ANO3: variants seen among roughly 807,000 people sequenced by gnomAD.
ANO3 encodes the protein anoctamin-3.
ANO3 carries 99 observed loss-of-function variants against 144.8 expected under a neutral mutation model. The observed-to-expected ratio is 0.68, with a 90% CI of 0.58 to 0.81. ANO3 has a LOEUF of 0.81. Among genes scored for constraint, ANO3 ranks in the 30% least tolerant of loss-of-function variants. The pLI, the probability that ANO3 is intolerant of heterozygous loss-of-function variation, is 0.00. For missense variants in ANO3, 905 were observed against 1,202.2 expected (o/e 0.75, Z 3.66); for synonymous variants, 414 against 392.6 (o/e 1.05, Z -0.64).
chr11:26,629,039 G>T (rs2133026456), intron 18 of ANO3, among the ~76,000 whole-genome samples: 1 of 152,204 alleles, frequency 6.6e-6, no homozygotes, highest in South Asian at 2.1e-4. Flanking sequence ...GCAAGTCAGA[G>T]TCAAGGTTGG....
At chr11:26,461,800 T>C (rs2134055607) in intron 3 of ANO3, among the ~76,000 whole-genome samples, 1 of 152,178 alleles carries the variant, frequency 6.6e-6, no homozygotes, top group African/African-American at 2.4e-5. Context: ...TATTATTAAA[T>C]GTAGGAAGAA....
intron 1 of ANO3, among the ~76,000 whole-genome samples, chr11:26,371,035 A>G (rs577974060): frequency 6.6e-6 from 1 of 152,332 alleles, no homozygotes; most frequent in Non-Finnish European, 1.5e-5. Flanking sequence ...CAATGGGGAA[A>G]ATGTCTTCAG....
At chr11:26,580,853 G>A (rs1002909265) in intron 14 of ANO3, among the ~76,000 whole-genome samples, 2 of 152,154 alleles carry the variant, frequency 1.3e-5, no homozygotes, top group African/African-American at 4.8e-5. Context: ...AAAATGGTTA[G>A]TAAATATTAT....
intron 1 of ANO3, among the ~76,000 whole-genome samples, chr11:26,235,518 A>G (rs1852500526): frequency 6.6e-6 from 1 of 151,988 alleles, no homozygotes; most frequent in African/African-American, 2.4e-5. Flanking sequence ...TTACTTATTT[A>G]CTGAATGTGT....
At chr11:26,596,330 T>G (rs1459740891) in intron 14 of ANO3, among the ~76,000 whole-genome samples, 1 of 152,192 alleles carries the variant, frequency 6.6e-6, no homozygotes, top group East Asian at 1.9e-4. Context: ...GACATTCGCT[T>G]GTTGCCCCCA....
intron 1 of ANO3, among the ~76,000 whole-genome samples, chr11:26,192,124 T>C (rs758159608): frequency 1.6e-4 from 25 of 152,214 alleles, no homozygotes; most frequent in Non-Finnish European, 2.9e-4. Context: ...TGTGTGGAAA[T>C]TATCACACAA....
intron 1 of ANO3, among the ~76,000 whole-genome samples, chr11:26,221,902 G>T (rs942705864): frequency 5.9e-5 from 9 of 152,118 alleles, no homozygotes; most frequent in African/African-American, 2.2e-4. Flanking sequence ...CACAAGGCCC[G>T]CCTCCAACAC....
intron 1 of ANO3, among the ~76,000 whole-genome samples, chr11:26,416,589 G>A (rs939116244): frequency 6.6e-6 from 1 of 151,906 alleles, no homozygotes; most frequent in Non-Finnish European, 1.5e-5. Flanking sequence ...ACCATGCCCA[G>A]CTAGTTTTTT....
chr11:26,515,221 G>A (rs1861815877), intron 5 of ANO3, among the ~76,000 whole-genome samples: 1 of 152,088 alleles, frequency 6.6e-6, no homozygotes. Context: ...TGACATGAAA[G>A]CATCTTAAGC....
At chr11:26,590,960 G>C (rs137921940) in intron 14 of ANO3, among the ~76,000 whole-genome samples, 1 of 152,130 alleles carries the variant, frequency 6.6e-6, no homozygotes, top group South Asian at 2.1e-4. Context: ...CTCCCGTCTC[G>C]AATGCCTAGG....
intron 14 of ANO3, among the ~76,000 whole-genome samples, chr11:26,592,544 A>G (rs1315898338): frequency 6.6e-6 from 1 of 150,640 alleles, no homozygotes; most frequent in Non-Finnish European, 1.5e-5. Flanking sequence ...TACCCAGACT[A>G]GTAGATACTG....
At chr11:26,447,621 T>C (rs559635480) in intron 3 of ANO3, among the ~76,000 whole-genome samples, 1 of 152,352 alleles carries the variant, frequency 6.6e-6, no homozygotes, top group South Asian at 2.1e-4. Flanking sequence ...AAAATATATT[T>C]GGGTAATGAT....
chr11:26,445,001 C>T (rs913996245), intron 3 of ANO3, among the ~76,000 whole-genome samples: 2 of 152,146 alleles, frequency 1.3e-5, no homozygotes, highest in Admixed American at 6.5e-5. Flanking sequence ...CTGAAGATTA[C>T]TACAAGCTGA....
At chr11:26,276,568 A>G (rs1853564614) in intron 1 of ANO3, among the ~76,000 whole-genome samples, 1 of 152,170 alleles carries the variant, frequency 6.6e-6, no homozygotes. Flanking sequence ...TAAAATGGAT[A>G]TTCCCTAAGG....
chr11:26,217,443 CA>C (rs34576584), intron 1 of ANO3, among the ~76,000 whole-genome samples: 35,650 of 150,594 alleles, frequency 0.24, 4,816 homozygotes, highest in Non-Finnish European at 0.29. Context: ...TGGCCTTTGT[CA>C]TGTAATGTGA....
intron 1 of ANO3, among the ~76,000 whole-genome samples, chr11:26,291,872 T>G (rs1182140406): frequency 6.6e-6 from 1 of 152,204 alleles, no homozygotes; most frequent in African/African-American, 2.4e-5. Flanking sequence ...TTGGTGAATC[T>G]GACAATTATG....
At chr11:26,596,078 T>G (rs1464566130) in intron 14 of ANO3, among the ~76,000 whole-genome samples, 1 of 152,182 alleles carries the variant, frequency 6.6e-6, no homozygotes, top group Non-Finnish European at 1.5e-5. Context: ...TGTTATAGGG[T>G]CACGGAGAAG....
intron 1 of ANO3, among the ~76,000 whole-genome samples, chr11:26,326,710 C>G (rs1346335617): frequency 6.6e-6 from 1 of 152,130 alleles, no homozygotes; most frequent in Non-Finnish European, 1.5e-5. Flanking sequence ...TTCCATCTTT[C>G]TACAAACACC....
In ANO3 at chr11:26,196,655, A is replaced by G. The variant is rs141821807; in HGVS notation, c.154+7325A>G. Among the ~76,000 whole-genome samples the G allele has an allele frequency of 3.2e-4, 48 of 152,316 alleles. 1 individual carries two copies. The highest frequency in any genetic ancestry group is 1.1e-3 in the African/African-American group (46 of 41,566). The stretch of plus-strand genomic sequence containing the variant: ...TCTTGTTTGGCTTTGAAAATCAAAT[A>G]AAACTATTCTCAAAAATTCCCTCAT... On this transcript the variant is annotated intron_variant, in intron 1 of 27. Transcript: ENST00000672621.
Sources: allele counts gnomAD v4.1 joint callset (sites outside exome capture counted in the v4.1 genomes callset), GRCh38; gene constraint gnomAD v4.1.1; transcripts MANE v1.5; gene names NCBI Gene and HGNC (gene_info 2026-07-23, HGNC 2026-07-21).